The following RBM6 variants were observed in gnomAD, a reference collection of about 807,000 sequenced individuals.
RBM6 encodes the protein RNA binding motif protein 6, also known as RNA-binding protein 6.
Under a neutral mutation model 140.4 loss-of-function variants are expected in RBM6, and 23 were observed. The ratio of observed to expected loss-of-function variants is 0.16; its 90% confidence interval spans 0.12 to 0.23. The LOEUF is 0.23. RBM6 is among the 10% of genes least tolerant of loss of function. The pLI is 1.00. For missense variants in RBM6, 1,139 were observed against 1,386.7 expected, an observed-to-expected ratio of 0.82 and a Z score of 2.84; for synonymous variants, 439 against 475.6, an observed-to-expected ratio of 0.92 and a Z score of 1.00.
chr3:49,947,349 G>C (rs1430441231), intron 1 of RBM6, among the ~76,000 whole-genome samples: 1 of 150,978 alleles, frequency 6.6e-6, no homozygotes, highest in African/African-American at 2.4e-5. Context: ...TGGATCTCTT[G>C]AGCCCAGGTG....
At chr3:50,075,357 G>C (rs778161071) in intron 20 of RBM6, 27 bp downstream of exon 20, 2 of 1,602,804 alleles carry the variant, frequency 1.2e-6, no homozygotes, top group East Asian at 2.2e-5. Context: ...CTTTTGGGGG[G>C]TGACATGAAC....
chr3:50,017,089 G>T (rs917146385), intron 6 of RBM6, among the ~76,000 whole-genome samples: 3 of 152,118 alleles, frequency 2.0e-5, no homozygotes, highest in Non-Finnish European at 4.4e-5. Flanking sequence ...GTTTCTGAAA[G>T]TGCTGGGATT....
chr3:50,071,783 T>C (rs1267358192), intron 19 of RBM6, among the ~76,000 whole-genome samples: 6 of 152,096 alleles, frequency 3.9e-5, no homozygotes, highest in Non-Finnish European at 7.4e-5. Context: ...GACAGTAAAG[T>C]CCTTGAAAAG....
intron 6 of RBM6, among the ~76,000 whole-genome samples, chr3:50,040,088 A>C (rs888465163): frequency 1.2e-4 from 19 of 152,236 alleles, no homozygotes; most frequent in African/African-American, 4.6e-4. Flanking sequence ...AAATGCATGT[A>C]AGACCTGCAA....
intron 6 of RBM6, among the ~76,000 whole-genome samples, chr3:50,002,348 A>T (rs1178747453): frequency 6.7e-6 from 1 of 148,212 alleles, no homozygotes; most frequent in Non-Finnish European, 1.5e-5. Context: ...TGCAACCTCT[A>T]CCTCCTGGGT....
chr3:49,982,254 TTTC>T (rs944650258), intron 5 of RBM6, among the ~76,000 whole-genome samples: 4 of 149,304 alleles, frequency 2.7e-5, no homozygotes, highest in Non-Finnish European at 5.9e-5. Context: ...CTGCATTTCT[TTTC>T]TTTTCTTTTT....
rs1450107451 is a variant in RBM6, at chr3:49,944,625, G to A, written c.-67+4400G>A. The stretch of plus-strand genomic sequence containing the variant: ...CGAGTAGCTGGGATTACAGATGTGC[G>A]CCACCATGCCTAGCTAATTTTTTTA... On this transcript the variant is annotated intron_variant, in intron 1 of 20. Transcript: ENST00000266022. Among the ~76,000 whole-genome samples, 37 of 148,674 alleles carry A rather than the reference G, an allele frequency of 2.5e-4. 1 individual carries two copies. The highest frequency in any genetic ancestry group is 2.0e-3 in the Admixed American group (30 of 14,758).
chr3:50,009,419 A>C (rs553251991), intron 6 of RBM6, among the ~76,000 whole-genome samples: 23 of 152,264 alleles, frequency 1.5e-4, no homozygotes, highest in African/African-American at 5.5e-4. Flanking sequence ...TTGAACTTGG[A>C]GGTTACAGTA....
chr3:49,947,883 C>G (rs558441571), intron 1 of RBM6, among the ~76,000 whole-genome samples: 1 of 152,278 alleles, frequency 6.6e-6, no homozygotes, highest in East Asian at 1.9e-4. Flanking sequence ...AATCAGTTGA[C>G]TAAAGTTCAA....
At chr3:49,951,088 A>C (rs1177084253) in intron 1 of RBM6, among the ~76,000 whole-genome samples, 1 of 152,218 alleles carries the variant, frequency 6.6e-6, no homozygotes, top group African/African-American at 2.4e-5. Flanking sequence ...AAGTGAAATA[A>C]GCCAGTCATG....
chr3:50,046,585 A>G (rs1472972691), intron 6 of RBM6, among the ~76,000 whole-genome samples: 4 of 138,580 alleles, frequency 2.9e-5, no homozygotes, highest in African/African-American at 8.8e-5. Flanking sequence ...GTCTCAGGGA[A>G]AAAAAAAAAA....
chr3:50,002,240 A>G (rs937797713), intron 6 of RBM6, among the ~76,000 whole-genome samples: 1 of 148,590 alleles, frequency 6.7e-6, no homozygotes, highest in African/African-American at 2.5e-5. Flanking sequence ...GATATGCGCC[A>G]CCATGCTTGG....
intron 6 of RBM6, among the ~76,000 whole-genome samples, chr3:50,001,705 A>G (rs2086336181): frequency 6.6e-6 from 1 of 152,116 alleles, no homozygotes; most frequent in Non-Finnish European, 1.5e-5. Flanking sequence ...AATTTTGGAG[A>G]GAAGAAAAAA....
Position 50,071,186 on chromosome 3 carries a change from G to T in RBM6, c.3116+634G>T, listed in dbSNP as rs1446567885. Among the ~76,000 whole-genome samples, 4 of 152,140 alleles carry T rather than the reference G, an allele frequency of 2.6e-5. No individual in the cohort carries two copies. In the East Asian group the frequency reaches 7.7e-4, roughly 29 times the overall value. On this transcript the variant is annotated intron_variant, in intron 19 of 20. Coordinates refer to ENST00000266022, the MANE Select transcript of RBM6 (RefSeq NM_005777.3). ...CATTTCAGGGAATTTCATATACCAG[G>T]GATATAAGAGCTTATGATGTGTTTG...
intron 6 of RBM6, among the ~76,000 whole-genome samples, chr3:50,029,329 G>A (rs2088014024): frequency 6.6e-6 from 1 of 152,198 alleles, no homozygotes; most frequent in Non-Finnish European, 1.5e-5. Context: ...GTGGAAGGAA[G>A]AGATCAGGTT....
intron 6 of RBM6, among the ~76,000 whole-genome samples, chr3:50,042,237 T>C (rs1168325483): frequency 6.6e-6 from 1 of 152,236 alleles, no homozygotes; most frequent in African/African-American, 2.4e-5. Context: ...TGAGTTGTAT[T>C]CACAAAGCTC....
chr3:49,973,531 A>G (rs2084898183), intron 4 of RBM6, among the ~76,000 whole-genome samples: 1 of 151,766 alleles, frequency 6.6e-6, no homozygotes, highest in Non-Finnish European at 1.5e-5. Context: ...CTTGGAATGC[A>G]CACAGTATGA....
Position 50,058,469 on chromosome 3 carries a change from T to C in RBM6, c.2037T>C (p.Tyr679=), listed in dbSNP as rs747261988. ...PEVIVEVLEP[Y]VRLTTANVRI... ...TGATAGTGGAAGTGCTGGAGCCCTATGTCCGCCTTACTACTGCCAACGTCC... is the reference window on the plus strand; with the variant it reads ...TGATAGTGGAAGTGCTGGAGCCCTACGTCCGCCTTACTACTGCCAACGTCC... The change falls in exon 10 of 21, where the codon TAT becomes TAC. Residue 679 remains tyrosine, a synonymous_variant. Transcript: ENST00000266022. 6.2e-7 allele frequency: 1 copy of C among 1,605,966 alleles called. No individual in the cohort carries two copies. Among genetic ancestry groups the C allele is most frequent in the Non-Finnish European group, 8.5e-7 (1 of 1,172,658 alleles).
chr3:49,983,216 T>A (rs1019082368), intron 5 of RBM6, among the ~76,000 whole-genome samples: 1 of 152,228 alleles, frequency 6.6e-6, no homozygotes, highest in African/African-American at 2.4e-5. Context: ...TTTGAGTCTT[T>A]ACTTCTGTGT....
Sources: allele counts gnomAD v4.1 joint callset (sites outside exome capture counted in the v4.1 genomes callset), GRCh38; gene constraint gnomAD v4.1.1; transcripts MANE v1.5; gene names NCBI Gene and HGNC (gene_info 2026-07-23, HGNC 2026-07-21).